DHRSX: variants seen among roughly 807,000 people sequenced by gnomAD.
The protein encoded by DHRSX is dehydrogenase/reductase X-linked.
A neutral mutation model predicts 34.0 loss-of-function variants in DHRSX; 31 were observed. The ratio of observed to expected loss-of-function variants is 0.91; its 90% CI spans 0.69 to 1.23. DHRSX has a LOEUF of 1.23. Ranked by LOEUF, DHRSX falls within the 50% of genes most tolerant of loss-of-function variation. The probability of loss-of-function intolerance (pLI) is 0.00; values close to 1 mark genes in which losing one functional copy is unlikely to be tolerated. For missense variants in DHRSX, 414 were observed against 428.1 expected (o/e 0.97, Z 0.29); for synonymous variants, 201 against 183.8 (o/e 1.09, Z -0.76).
chrX:2,272,325 G>A (rs1479100659), intron 4 of DHRSX, among the ~76,000 whole-genome samples: 1 of 152,086 alleles, frequency 6.6e-6, no homozygotes, highest in Non-Finnish European at 1.5e-5. Flanking sequence ...TCCCAGCTTA[G>A]GAGAGACGAG....
chrX:2,464,879 G>A (rs992779077), intron 1 of DHRSX, among the ~76,000 whole-genome samples: 7 of 150,350 alleles, frequency 4.7e-5, no homozygotes, highest in Non-Finnish European at 8.9e-5. Flanking sequence ...AGCATGTGGC[G>A]CAAGGGACTG....
intron 5 of DHRSX, among the ~76,000 whole-genome samples, chrX:2,265,785 C>T (rs1210919523): frequency 5.0e-5 from 7 of 140,692 alleles, no homozygotes; most frequent in Middle Eastern, 4.5e-3. Context: ...AGCACTGTCC[C>T]CAGAGCACCG....
chrX:2,271,021 G>A (rs1246522887), intron 4 of DHRSX, among the ~76,000 whole-genome samples: 4 of 152,170 alleles, frequency 2.6e-5, no homozygotes, highest in African/African-American at 9.7e-5. Context: ...ATAAAAGCTG[G>A]CCACCTGAGC....
chrX:2,485,901 T>TGGGA (rs1321730900), intron 1 of DHRSX, among the ~76,000 whole-genome samples: 4 of 118,770 alleles, frequency 3.4e-5, no homozygotes, highest in South Asian at 5.4e-4. Flanking sequence ...GAGACAAGGA[T>TGGGA]GGGAGGGAAG....
chrX:2,488,594 G>T (rs777744032), intron 1 of DHRSX: 52 of 1,542,280 alleles, frequency 3.4e-5, no homozygotes, highest in Non-Finnish European at 4.1e-5. Context: ...GCATCCAATG[G>T]GCTGCTGCGG....
At chrX:2,451,355 T>G (rs1453785811) in intron 1 of DHRSX, among the ~76,000 whole-genome samples, 3 of 151,996 alleles carry the variant, frequency 2.0e-5, no homozygotes, top group Non-Finnish European at 2.9e-5. Context: ...TTCTTTCCTG[T>G]CATCCTCCCA....
chrX:2,457,549 T>G (rs1007039499), intron 1 of DHRSX, among the ~76,000 whole-genome samples: 4 of 151,980 alleles, frequency 2.6e-5, no homozygotes, highest in African/African-American at 9.7e-5. Context: ...CGCCACCATG[T>G]AAACACTGAA....
At chrX:2,392,118 A>G (rs1278757486) in intron 3 of DHRSX, among the ~76,000 whole-genome samples, 1 of 152,196 alleles carries the variant, frequency 6.6e-6, no homozygotes. Flanking sequence ...AGGCAATGCC[A>G]GCAATTCAAA....
intron 3 of DHRSX, among the ~76,000 whole-genome samples, chrX:2,347,315 T>C (rs1235238586): frequency 6.6e-6 from 1 of 152,194 alleles, no homozygotes; most frequent in Non-Finnish European, 1.5e-5. Context: ...ACTTACTCAC[T>C]ATCATGAGAA....
intron 3 of DHRSX, among the ~76,000 whole-genome samples, chrX:2,372,363 A>G (rs1363963786): frequency 1.3e-5 from 2 of 152,098 alleles, no homozygotes; most frequent in Non-Finnish European, 2.9e-5. Flanking sequence ...GACGCGCCCC[A>G]CAGCTCCATG....
intron 3 of DHRSX, among the ~76,000 whole-genome samples, chrX:2,364,939 A>G (rs1053399787): frequency 6.6e-6 from 1 of 152,116 alleles, no homozygotes; most frequent in Non-Finnish European, 1.5e-5. Flanking sequence ...ATATCTATCT[A>G]TGTATCCATC....
chrX:2,260,856 C>A (rs1161703492), intron 5 of DHRSX, among the ~76,000 whole-genome samples: 1 of 152,162 alleles, frequency 6.6e-6, no homozygotes, highest in Non-Finnish European at 1.5e-5. Flanking sequence ...AGACCTATTT[C>A]TAAATTAGGT....
intron 4 of DHRSX, among the ~76,000 whole-genome samples, chrX:2,268,000 CACAA>C (rs1042523001): frequency 6.0e-4 from 91 of 152,262 alleles, no homozygotes; most frequent in African/African-American, 2.0e-3. Flanking sequence ...CTGAGTATCC[CACAA>C]ACAAACTGCT....
At chrX:2,265,638 G>GC (rs2041447636) in intron 5 of DHRSX, among the ~76,000 whole-genome samples, 3 of 110,496 alleles carry the variant, frequency 2.7e-5, no homozygotes, top group Admixed American at 1.0e-4. Context: ...GAGCACCAGT[G>GC]TACAGCAGAC....
chrX:2,345,315 T>C (rs1210964199), intron 3 of DHRSX, among the ~76,000 whole-genome samples: 1 of 151,902 alleles, frequency 6.6e-6, no homozygotes, highest in Non-Finnish European at 1.5e-5. Context: ...AATTGGTGGG[T>C]AGGCCTGGTC....
At chrX:2,248,241 G>A (rs1284150935) in intron 5 of DHRSX, among the ~76,000 whole-genome samples, 1 of 152,070 alleles carries the variant, frequency 6.6e-6, no homozygotes, top group Non-Finnish European at 1.5e-5. Flanking sequence ...AGACTATCTT[G>A]GCTAATACGG....
intron 1 of DHRSX, among the ~76,000 whole-genome samples, chrX:2,463,668 G>A (rs2044434623): frequency 6.6e-6 from 1 of 152,152 alleles, no homozygotes; most frequent in East Asian, 1.9e-4. Flanking sequence ...GAATGAATGC[G>A]GTCAGGACGC....
intron 1 of DHRSX, among the ~76,000 whole-genome samples, chrX:2,452,681 T>C (rs1665838369): frequency 6.6e-6 from 1 of 151,954 alleles, no homozygotes; most frequent in African/African-American, 2.4e-5. Context: ...CCTAATAATG[T>C]GGCTAAGGGA....
At chrX:2,426,891 C>G in intron 1 of DHRSX, among the ~76,000 whole-genome samples, 1 of 151,610 alleles carries the variant, frequency 6.6e-6, no homozygotes, top group Non-Finnish European at 1.5e-5. Flanking sequence ...TCTTCTAACC[C>G]TTCCCTCCTT....
Sources: gnomAD v4.1 joint callset for allele counts (sites outside exome capture counted in the v4.1 genomes callset) on GRCh38, gnomAD v4.1.1 for gene constraint, MANE v1.5 for transcripts, NCBI Gene and HGNC (gene_info 2026-07-23, HGNC 2026-07-21) for gene names.